Variants in RHCE observed in about 807,000 individuals in gnomAD.
RHCE encodes blood group Rh(CE) polypeptide.
Under a neutral mutation model 43.8 loss-of-function variants are expected in RHCE, and 22 were observed. The observed-to-expected ratio is 0.50, with a 90% CI of 0.36 to 0.72. The LOEUF (loss-of-function observed/expected upper bound fraction) is 0.72. Among genes scored for constraint, RHCE ranks in the 30% least tolerant of loss-of-function variants. The pLI is 0.00. For synonymous variants in RHCE, 156 were observed against 210.7 expected (o/e 0.74, Z 2.25); for missense variants, 385 against 525.4 (o/e 0.73, Z 2.61).
chr1:25,427,369 G>A (rs867916167), intron 2 of RHCE, among the ~76,000 whole-genome samples: 2 of 152,346 alleles, frequency 1.3e-5, no homozygotes, highest in Non-Finnish European at 2.9e-5. Context: ...TTTTGAATGA[G>A]GGCAAATTAC....
intron 2 of RHCE, among the ~76,000 whole-genome samples, chr1:25,428,422 T>TA (rs1407580181): frequency 6.6e-6 from 1 of 152,254 alleles, no homozygotes; most frequent in East Asian, 1.9e-4. Context: ...GGCTTTTTTC[T>TA]ACTGCTCCAC....
chr1:25,416,427 C>T (rs980767749), intron 1 of RHCE, among the ~76,000 whole-genome samples: 92 of 151,932 alleles, frequency 6.1e-4, no homozygotes, highest in African/African-American at 2.1e-3. Flanking sequence ...CCATACCCAG[C>T]TAATTTTTTG....
intron 4 of RHCE, among the ~76,000 whole-genome samples, chr1:25,391,698 C>G (rs752861291): frequency 6.6e-6 from 1 of 152,158 alleles, no homozygotes; most frequent in African/African-American, 2.4e-5. Flanking sequence ...ACCTTCTTCA[C>G]TTGTCCGTTT....
chr1:25,428,271 A>C (rs2042819759), intron 2 of RHCE, among the ~76,000 whole-genome samples: 1 of 152,114 alleles, frequency 6.6e-6, no homozygotes, highest in Non-Finnish European at 1.5e-5. Flanking sequence ...AGGGATATTC[A>C]AGTCTGGGGT....
chr1:25,389,715 TTTA>T (rs1646297405), intron 5 of RHCE, among the ~76,000 whole-genome samples: 1 of 152,094 alleles, frequency 6.6e-6, no homozygotes, highest in Non-Finnish European at 1.5e-5. Flanking sequence ...TGTTATTGTT[TTTA>T]TTATTATTAT....
chr1:25,425,207 C>T (rs2042796580), upstream of RHCE, among the ~76,000 whole-genome samples: 1 of 152,212 alleles, frequency 6.6e-6, no homozygotes, highest in South Asian at 2.1e-4. Context: ...GTTGTATCCT[C>T]AGCACCAGGG....
Position 25,362,401 on chromosome 1 carries a change from G to A in RHCE, c.*126C>T. ...ATTTTTTAATATCAAATCTGTCTCT[G>A]ACCTTGTTTCATTATACATAAGGAG... On this transcript the variant is annotated 3_prime_UTR_variant, in exon 10 of 10. Coordinates refer to ENST00000294413, the MANE Select transcript of RHCE (RefSeq NM_020485.8). 6.2e-7 allele frequency: 1 copy of A among 1,608,690 alleles called. No homozygotes were observed.
At chr1:25,424,879 C>T (rs1221494035), upstream of RHCE, among the ~76,000 whole-genome samples, 4 of 151,936 alleles carry the variant, frequency 2.6e-5, no homozygotes, top group South Asian at 4.1e-4. Flanking sequence ...TGCAGTGGCA[C>T]GATCTTGGCT....
intron 1 of RHCE, among the ~76,000 whole-genome samples, chr1:25,417,078 G>A (rs2982354): frequency 6.6e-6 from 1 of 150,956 alleles, no homozygotes; most frequent in Non-Finnish European, 1.5e-5. Flanking sequence ...TTTCTGGTAT[G>A]AAAGCAAACC....
chr1:25,415,424 G>A (rs1232394245), intron 1 of RHCE, among the ~76,000 whole-genome samples: 6 of 152,204 alleles, frequency 3.9e-5, no homozygotes, highest in South Asian at 2.1e-4. Context: ...AGGCCGAGGC[G>A]GGTGGATCAC....
rs684172 is a variant in RHCE at position 25,420,032 on chromosome 1, T to A, written c.148+607A>T. On this transcript the variant is annotated intron_variant, in intron 1 of 9. Transcript: ENST00000294413. ...CATCTCTACCAAAAAAAAAAAAAAA[T>A]TTAGCCAGGCATGGTGGTGCCCTCC... Among the ~76,000 whole-genome samples, 205 of 139,984 alleles carry A rather than the reference T, an allele frequency of 1.5e-3. 1 individual carries two copies. Among genetic ancestry groups the A allele is most frequent in the South Asian group, 6.1e-3 (29 of 4,746 alleles). 91.8% of individuals were successfully genotyped at this position (139,984 alleles called of 152,430 possible).
chr1:25,412,663 G>A (rs2124517241), intron 1 of RHCE, among the ~76,000 whole-genome samples: 1 of 137,886 alleles, frequency 7.3e-6, no homozygotes, highest in East Asian at 2.3e-4. Flanking sequence ...AGTGAGCCAC[G>A]ATCACATCAC....
chr1:25,418,844 A>G (rs2042680159), intron 1 of RHCE, among the ~76,000 whole-genome samples: 1 of 152,114 alleles, frequency 6.6e-6, no homozygotes, highest in South Asian at 2.1e-4. Flanking sequence ...CTTCCATATA[A>G]AGTGAGTTTC....
intron 2 of RHCE, among the ~76,000 whole-genome samples, chr1:25,426,313 T>C (rs138170798): frequency 2.4e-3 from 373 of 152,360 alleles, no homozygotes; most frequent in Non-Finnish European, 3.3e-3. Flanking sequence ...AGGCCTTGTT[T>C]TTCTCCCTAC....
intron 1 of RHCE, chr1:25,411,398 T>A: frequency 1.9e-6 from 3 of 1,550,424 alleles, no homozygotes; most frequent in South Asian, 2.4e-5. Context: ...TTACTGGAAC[T>A]CTCCAAAGTC....
intron 1 of RHCE, among the ~76,000 whole-genome samples, chr1:25,409,219 C>T (rs1647001153): frequency 8.1e-6 from 1 of 123,636 alleles, no homozygotes. Flanking sequence ...CACATGGACA[C>T]TCAGTAAAGG....
At chr1:25,426,205 A>C (rs1348843308) in intron 2 of RHCE, among the ~76,000 whole-genome samples, 6 of 152,258 alleles carry the variant, frequency 3.9e-5, no homozygotes, top group Non-Finnish European at 4.4e-5. Flanking sequence ...ATACAGATGC[A>C]TAAAGCTAAC....
chr1:25,425,889 C>T (rs755117975), intron 2 of RHCE, among the ~76,000 whole-genome samples: 17 of 152,226 alleles, frequency 1.1e-4, no homozygotes, highest in Non-Finnish European at 1.9e-4. Flanking sequence ...TTGCTCTGGG[C>T]ACGTTTGGCT....
At chr1:25,390,686 G>A in intron 5 of RHCE, 63 bp downstream of exon 5, 1 of 1,587,346 alleles carries the variant, frequency 6.3e-7, no homozygotes, top group Non-Finnish European at 8.6e-7. Flanking sequence ...GTGGGGAGGG[G>A]CATAAATATG....
Sources: gnomAD v4.1 joint callset for allele counts (sites outside exome capture counted in the v4.1 genomes callset) on GRCh38, gnomAD v4.1.1 for gene constraint, MANE v1.5 for transcripts, NCBI Gene and HGNC (gene_info 2026-07-23, HGNC 2026-07-21) for gene names.